BCLAF3: variants seen among roughly 807,000 people sequenced by gnomAD.
BCLAF3 encodes transient octamer binding factor 1.
BCLAF3 carries 24 observed loss-of-function variants against 51.2 expected under a neutral mutation model. The ratio of observed to expected loss-of-function variants is 0.47; its 90% CI spans 0.34 to 0.66. The LOEUF is 0.66. Among genes scored for constraint, BCLAF3 ranks in the 30% least tolerant of loss-of-function variants. BCLAF3 has a pLI of 0.01. For missense variants in BCLAF3, 465 were observed against 525.1 expected (o/e 0.89, Z 1.12); for synonymous variants, 152 against 176.6 (o/e 0.86, Z 1.10).
At chrX:19,944,033 CTTCT>C (rs1245384894) in intron 8 of BCLAF3, among the ~76,000 whole-genome samples, 1 of 70,978 alleles carries the variant, frequency 1.4e-5, no homozygotes, top group African/African-American at 5.6e-5. Flanking sequence ...ATGTAATGGC[CTTCT>C]TTGTCTCTTT....
chrX:19,960,629 G>A (rs759448116), intron 4 of BCLAF3, among the ~76,000 whole-genome samples: 11 of 111,797 alleles, frequency 9.8e-5, no homozygotes, highest in Non-Finnish European at 1.9e-4. Context: ...ATCCCCACCT[G>A]CATCTTATTT....
chrX:19,919,490 T>C (rs1185656156), intron 11 of BCLAF3, among the ~76,000 whole-genome samples: 1 of 110,565 alleles, frequency 9.0e-6, no homozygotes, highest in Non-Finnish European at 1.9e-5. Context: ...GAGGTTGCAG[T>C]GAGCTGAGAT....
chrX:19,982,436 G>A (rs1024411101), intron 1 of BCLAF3, among the ~76,000 whole-genome samples: 3 of 110,794 alleles, frequency 2.7e-5, no homozygotes, highest in Non-Finnish European at 5.7e-5. Context: ...TCTTGGCCAC[G>A]GTGGGTAGCT....
intron 4 of BCLAF3, among the ~76,000 whole-genome samples, chrX:19,961,256 C>T (rs1018833048): frequency 3.6e-5 from 4 of 112,600 alleles, no homozygotes; most frequent in Admixed American, 1.9e-4. Flanking sequence ...AATTATGACT[C>T]AGATGTAATT....
chrX:19,934,058 G>A (rs2070668556), intron 10 of BCLAF3, among the ~76,000 whole-genome samples: 1 of 111,922 alleles, frequency 8.9e-6, no homozygotes, highest in Non-Finnish European at 1.9e-5. Context: ...TTACAGGCGT[G>A]AGCTACAGTA....
At chrX:19,973,057 C>T (rs1381147100) in intron 1 of BCLAF3, among the ~76,000 whole-genome samples, 1 of 112,006 alleles carries the variant, frequency 8.9e-6, no homozygotes, top group Non-Finnish European at 1.9e-5. Context: ...ATCTGCCAAA[C>T]TTTTCCAAAG....
intron 1 of BCLAF3, among the ~76,000 whole-genome samples, chrX:19,982,965 T>C (rs1185067164): frequency 1.0e-5 from 1 of 98,995 alleles, no homozygotes; most frequent in Non-Finnish European, 2.0e-5. Context: ...TTTCTTTTTT[T>C]TTTTTTTTTT....
chrX:19,941,470 A>T, intron 8 of BCLAF3, among the ~76,000 whole-genome samples: 1 of 101,636 alleles, frequency 9.8e-6, no homozygotes, highest in Non-Finnish European at 1.9e-5. Context: ...GAAGGGATCC[A>T]GTTTCAGCTT....
intron 1 of BCLAF3, among the ~76,000 whole-genome samples, chrX:19,970,877 T>C (rs1277386724): frequency 1.8e-5 from 2 of 111,645 alleles, no homozygotes; most frequent in East Asian, 5.6e-4. Context: ...AAAGAGCTTA[T>C]TGGTGTCTGG....
intron 10 of BCLAF3, among the ~76,000 whole-genome samples, chrX:19,931,980 G>C (rs959248529): frequency 2.7e-5 from 3 of 112,195 alleles, no homozygotes; most frequent in African/African-American, 9.7e-5. Flanking sequence ...TACCACTCAA[G>C]AGCTAAGAAC....
At chrX:19,931,587 A>G (rs928220637) in intron 10 of BCLAF3, among the ~76,000 whole-genome samples, 1 of 112,364 alleles carries the variant, frequency 8.9e-6, no homozygotes, top group Non-Finnish European at 1.9e-5. Context: ...CGAAACTTTT[A>G]ACAAGACCAG....
At chrX:19,935,615 AT>A in intron 10 of BCLAF3, 193 bp downstream of exon 10, 1 of 384,777 alleles carries the variant, frequency 2.6e-6, no homozygotes, top group Non-Finnish European at 4.6e-6. Flanking sequence ...AAAAAAAAAA[AT>A]TGAAAATCAA....
chrX:19,924,820 T>C, intron 11 of BCLAF3, among the ~76,000 whole-genome samples: 1 of 111,240 alleles, frequency 9.0e-6, no homozygotes, highest in East Asian at 2.8e-4. Flanking sequence ...GCTTCTTTGT[T>C]CCAATCTAGT....
intron 4 of BCLAF3, among the ~76,000 whole-genome samples, chrX:19,957,059 G>A: frequency 8.9e-6 from 1 of 112,052 alleles, no homozygotes; most frequent in South Asian, 3.7e-4. Flanking sequence ...TCAGAGGAAA[G>A]GCTTCCATCT....
rs372176820 is a variant in BCLAF3 at position 19,950,803 on chromosome X, C to A, written c.1695G>T (p.Arg565=). 8.3e-7 allele frequency: 1 copy of A among 1,209,161 alleles called. No individual in the cohort carries two copies. Among genetic ancestry groups the A allele is most frequent in the Non-Finnish European group, 1.1e-6 (1 of 894,604 alleles). ...RHDIERRRKE[R]LQNEDEHIFH... is the part of the protein sequence containing the mutation. The stretch of plus-strand genomic sequence containing the variant: ...AAATGTGCTCATCTTCATTCTGTAA[C>A]CGTTCTTTTCGCCTTCTTTCAATGT... The change falls in exon 8 of 12, where the codon CGG becomes CGT. Residue 565 remains arginine (R), a synonymous_variant. Coordinates refer to ENST00000379682, the MANE Select transcript of BCLAF3 (RefSeq NM_001367774.2).
chrX:19,973,887 T>C (rs901573033), intron 1 of BCLAF3, among the ~76,000 whole-genome samples: 1 of 112,383 alleles, frequency 8.9e-6, no homozygotes. Flanking sequence ...TCATAGCCAT[T>C]TGATATGCCA....
At chrX:19,989,427 TG>T (rs1176014288) in intron 1 of BCLAF3, among the ~76,000 whole-genome samples, 1 of 111,061 alleles carries the variant, frequency 9.0e-6, no homozygotes, top group Non-Finnish European at 1.9e-5. Context: ...ACCCAGGAGG[TG>T]GAGGTTGCAG....
intron 10 of BCLAF3, among the ~76,000 whole-genome samples, chrX:19,934,148 C>A (rs1404631533): frequency 8.9e-6 from 1 of 112,080 alleles, no homozygotes; most frequent in African/African-American, 3.2e-5. Context: ...CACTTCTAAG[C>A]ATTCATGTAA....
At chrX:19,958,120 G>A (rs2071728321) in intron 4 of BCLAF3, among the ~76,000 whole-genome samples, 1 of 111,979 alleles carries the variant, frequency 8.9e-6, no homozygotes, top group South Asian at 3.7e-4. Flanking sequence ...TCTGGTATCA[G>A]TTTCATTAAA....
Sources: gnomAD v4.1 joint callset for allele counts (sites outside exome capture counted in the v4.1 genomes callset) on GRCh38, gnomAD v4.1.1 for gene constraint, MANE v1.5 for transcripts, NCBI Gene and HGNC (gene_info 2026-07-23, HGNC 2026-07-21) for gene names.